The following TAF1L variants were observed in gnomAD, a reference collection of about 807,000 sequenced individuals.
The protein encoded by TAF1L is transcription initiation factor TFIID subunit 1-like.
TAF1L carries 30 observed loss-of-function variants against 128.8 expected under a neutral mutation model. The ratio of observed to expected loss-of-function variants is 0.23; its 90% CI spans 0.17 to 0.32. The LOEUF is 0.32. TAF1L is among the 10% of genes least tolerant of loss of function. TAF1L has a pLI of 1.00. For missense variants in TAF1L, 2,099 were observed against 2,253.7 expected (o/e 0.93, Z 1.39); for synonymous variants, 764 against 790.7 (o/e 0.97, Z 0.57).
Position 32,634,847 on chromosome 9 carries a change from T to C in TAF1L, c.733A>G (p.Ser245Gly), listed in dbSNP as rs764334920. 3 of 1,614,092 alleles carry C rather than the reference T, an allele frequency of 1.9e-6. No homozygotes were observed. The African/African-American group carries it at 4.0e-5, about 22-fold the overall frequency. The change falls in exon 1 of 1, where the codon AGT (serine) becomes GGT (glycine). Residue 245 changes from serine (S) to glycine (G), a missense_variant. Ser to Gly is a moderately conservative substitution (Grantham distance 56, BLOSUM62 0). Around this residue, in one of 4 missense-constraint regions of TAF1L, gnomAD observed 473 missense variants for 429.6 expected, o/e 1.10. Transcript: ENST00000242310. ...MQHDATKLLP[S>G]VTELFPEFRP... Reference sequence around the variant, plus strand: ...AATTCTGGAAAAAGTTCGGTGACACTTGGCAACAGCTTGGTGGCATCATGC... The same window carrying C: ...AATTCTGGAAAAAGTTCGGTGACACCTGGCAACAGCTTGGTGGCATCATGC...
rs139721916 is a variant in TAF1L, at chr9:32,629,920, T to A, written c.*179A>T. The A allele has an allele frequency of 1.9e-3, 2,408 of 1,250,698 alleles. 33 individuals carry two copies. The African/African-American group carries it at 0.03, about 15-fold the overall frequency. The allele number at this position is 1,250,698 out of a possible 1,614,324, so 77.5% of individuals were successfully genotyped here. A position where few individuals can be genotyped will look rare whatever the true frequency, so the allele number is the denominator to read the frequency against. Reference sequence around the variant, plus strand: ...ATCCACCCGCCTCGGCCTCCCAGAGTGCTGAGATTACAGGTGTGAGCCACC... The same window carrying A: ...ATCCACCCGCCTCGGCCTCCCAGAGAGCTGAGATTACAGGTGTGAGCCACC... On this transcript the variant is annotated 3_prime_UTR_variant, in exon 1 of 1. Transcript: ENST00000242310.
Position 32,630,414 on chromosome 9 carries a change from C to T in TAF1L, c.5166G>A (p.Gly1722=). The change falls in exon 1 of 1, where the codon GGG becomes GGA. Residue 1722 remains glycine (G), a synonymous_variant. Coordinates refer to ENST00000242310, the MANE Select transcript of TAF1L (RefSeq NM_153809.2). ...TCCCATCCTCCTCCTCATCATCATA[C>T]CCTTCAACATCCACATCAGAGTCTT... is the stretch of plus-strand genomic sequence containing the variant. ...GEEDSDVDVE[G]YDDEEEDGKP... The T allele has an allele frequency of 6.2e-7, 1 of 1,614,170 alleles. No homozygotes were observed. Among genetic ancestry groups the T allele is most frequent in the Non-Finnish European group, 8.5e-7 (1 of 1,180,030 alleles).
rs755694433 is a variant in TAF1L, at chr9:32,631,350, A to G, written c.4230T>C (p.Ser1410=). 3.1e-6 allele frequency: 5 copies of G among 1,614,188 alleles called. No individual in the cohort carries two copies. The highest frequency in any genetic ancestry group is 4.2e-6 in the Non-Finnish European group (5 of 1,180,042). ...GAAGATCTCTCATGTCATTGATGAT[A>G]GACTCCAGGATGGATGACAGCGTCA... The part of the protein sequence containing the change: ...PMVTLSSILE[S]IINDMRDLPN... The change falls in exon 1 of 1, where the codon TCT becomes TCC. Residue 1410 remains serine (S), a synonymous_variant. Transcript: ENST00000242310. The surrounding 1 kb of genome is among the most constrained non-coding windows in gnomAD (Gnocchi z 4.1).
Position 32,631,289 on chromosome 9 carries a change from T to C in TAF1L, c.4291A>G (p.Lys1431Glu), listed in dbSNP as rs765561654. The C allele has an allele frequency of 1.2e-5, 20 of 1,614,050 alleles. No homozygotes were observed. Among genetic ancestry groups the C allele is most frequent in the Middle Eastern group, 1.6e-4 (1 of 6,084 alleles). ...ATTTTGTAGTAGTCCTTTACAACCT[T>C]TGCATTGACTGGAGTGTGGAAAGGG... ...THPFHTPVNAKVVKDYYKIIT... is the reference protein window; with the variant it reads ...THPFHTPVNAEVVKDYYKIIT... Residue 1431 changes from lysine (K) to glutamate (E), a missense_variant, in exon 1 of 1, where the codon AAG (lysine) becomes GAG (glutamate). Transcript: ENST00000242310. This position sits in a 1 kb window ranked among gnomAD's most constrained non-coding sequence, Gnocchi z 4.1.
Position 32,631,469 on chromosome 9 carries a change from G to A in TAF1L, c.4111C>T (p.Pro1371Ser). Residue 1371 changes from proline (P) to serine (S), a missense_variant, in exon 1 of 1, where the codon CCA (proline) becomes TCA (serine). Pro to Ser is a moderately conservative substitution (Grantham distance 74). Coordinates refer to ENST00000242310, the MANE Select transcript of TAF1L (RefSeq NM_153809.2). This position sits in a 1 kb window ranked among gnomAD's most constrained non-coding sequence, Gnocchi z 4.1. ...VLKFPKQQLPPKKKRRVGTTV... is the reference protein window; with the variant it reads ...VLKFPKQQLPSKKKRRVGTTV... ...GTTCCAACTCGCCGTTTCTTCTTTG[G>A]AGGAAGCTGCTGTTTAGGAAACTTG... 2 of 1,614,188 alleles carry A rather than the reference G, an allele frequency of 1.2e-6. No homozygotes were observed. Among genetic ancestry groups the A allele is most frequent in the Non-Finnish European group, 1.7e-6 (2 of 1,180,040 alleles).
In TAF1L at chr9:32,635,327, C is replaced by T. The variant is rs775725123; in HGVS notation, c.253G>A (p.Glu85Lys). 3 of 1,614,180 alleles carry T rather than the reference C, an allele frequency of 1.9e-6. No homozygotes were observed. In the East Asian group the frequency reaches 6.7e-5, roughly 36 times the overall value. The change falls in exon 1 of 1, where the codon GAA (glutamate) becomes AAA (lysine). Residue 85 changes from glutamate (E) to lysine (K), a missense_variant. This residue lies in a region of TAF1L where 473 missense variants were observed against 429.6 expected (regional missense o/e 1.10). Transcript: ENST00000242310. Reference protein sequence around the residue: ...SLITELTANEELTGTGGALVN... With the variant: ...SLITELTANEKLTGTGGALVN... ...AAGGCACCGCCAGTCCCAGTCAATT[C>T]TTCATTTGCCGTGAGTTCAGTGATT...
rs1822493923 is a variant in TAF1L at position 32,629,881 on chromosome 9, A to G, written c.*218T>C. On this transcript the variant is annotated 3_prime_UTR_variant, in exon 1 of 1. Coordinates refer to ENST00000242310, the MANE Select transcript of TAF1L (RefSeq NM_153809.2). ...GACATGTTGGCCAAGCTGGTCTCGA[A>G]CTGACCTCAGGTGATCCACCCGCCT... 1 of 849,854 alleles carries G rather than the reference A, an allele frequency of 1.2e-6. No homozygotes were observed. Among genetic ancestry groups the G allele is most frequent in the Non-Finnish European group, 1.8e-6 (1 of 553,012 alleles). 52.6% of individuals were successfully genotyped at this position (849,854 alleles called of 1,614,324 possible). A position where few individuals can be genotyped will look rare whatever the true frequency, so the allele number is the denominator to read the frequency against.
At position 32,634,473 on chromosome 9, in the gene TAF1L, A is replaced by G; in HGVS notation, c.1107T>C (p.Tyr369=). 2 of 1,614,240 alleles carry G rather than the reference A, an allele frequency of 1.2e-6. No homozygotes were observed. The highest frequency in any genetic ancestry group is 1.7e-6 in the Non-Finnish European group (2 of 1,180,048). The part of the protein sequence containing the change: ...EWRYGPARLW[Y]DMLGVSEDGS... The stretch of plus-strand genomic sequence containing the variant: ...CATCTTCGGAGACACCCAGCATATC[A>G]TACCACAGTCGGGCAGGCCCATAAC... Residue 369 remains tyrosine (Y), a synonymous_variant, in exon 1 of 1, where the codon TAT becomes TAC. Transcript: ENST00000242310.
At position 32,635,385 on chromosome 9, in the gene TAF1L, C is replaced by G; in HGVS notation, c.195G>C (p.Leu65Phe). ...CCAGCCCCAAAGCCCCCAAGCCTGC[C>G]AAGTGCTTCTTACACTCATCATCCA... ...SVLDDECKKH[L>F]AGLGALGLGS... The change falls in exon 1 of 1, where the codon TTG becomes TTC. Residue 65 changes from leucine to phenylalanine, a missense_variant. Around this residue, in one of 4 missense-constraint regions of TAF1L, gnomAD observed 473 missense variants for 429.6 expected, o/e 1.10. Transcript: ENST00000242310. The G allele has an allele frequency of 6.2e-7, 1 of 1,614,156 alleles. No individual in the cohort carries two copies. The highest frequency in any genetic ancestry group is 1.7e-5 in the Admixed American group (1 of 60,016).
rs770687964 is a variant in TAF1L at position 32,631,025 on chromosome 9, C to T, written c.4555G>A (p.Asp1519Asn). ...RLEKAINPLL[D>N]DDDQVAFSFI... ...GAAAATGCCACTTGGTCATCATCAT[C>T]CAGCAAGGGGTTGATAGCTTTCTCT... The change falls in exon 1 of 1, where the codon GAT (aspartate) becomes AAT (asparagine). Residue 1519 changes from aspartate (D) to asparagine (N), a missense_variant. This residue lies in a region of TAF1L where 404 missense variants were observed against 406.5 expected (regional missense o/e 0.99). Transcript: ENST00000242310. This position sits in a 1 kb window ranked among gnomAD's most constrained non-coding sequence, Gnocchi z 4.1. 3 of 1,614,194 alleles carry T rather than the reference C, an allele frequency of 1.9e-6. No individual in the cohort carries two copies. Among genetic ancestry groups the T allele is most frequent in the South Asian group, 1.1e-5 (1 of 91,082 alleles).
At position 32,631,433 on chromosome 9, in the gene TAF1L, A is replaced by T. The variant is rs778380802; in HGVS notation, c.4147T>A (p.Cys1383Ser). ...KKRRVGTTVH[C>S]DYLNIPHKSI... ...TTATGAGGTATATTCAAATAGTCAC[A>T]ATGAACAGTGGTTCCAACTCGCCGT... Residue 1383 changes from cysteine to serine, a missense_variant, in exon 1 of 1, where the codon TGT (cysteine) becomes AGT (serine). Physicochemically the swap from Cys to Ser is moderately radical, Grantham distance 112. This residue lies in a region of TAF1L where 1,213 missense variants were observed against 1,391.4 expected (regional missense o/e 0.87). Coordinates refer to ENST00000242310, the MANE Select transcript of TAF1L (RefSeq NM_153809.2). This position sits in a 1 kb window ranked among gnomAD's most constrained non-coding sequence, Gnocchi z 4.1. The T allele has an allele frequency of 5.6e-6, 9 of 1,614,186 alleles. No individual in the cohort carries two copies. The highest frequency in any genetic ancestry group is 7.6e-6 in the Non-Finnish European group (9 of 1,180,032).
chr9:32,631,893 G>C lies in TAF1L; in HGVS notation c.3687C>G (p.Ala1229=). 6.2e-7 allele frequency: 1 copy of C among 1,614,174 alleles called. No homozygotes were observed. Among genetic ancestry groups the C allele is most frequent in the African/African-American group, 1.3e-5 (1 of 75,028 alleles). ...CTTCCCGATGTTTTTCATCAAAAAG[G>C]GCAAATTTTTGAATGAATTTCTCAT... The part of the protein sequence containing the change: ...TKDEKFIQKF[A]LFDEKHREEM... Residue 1229 remains alanine, a synonymous_variant, in exon 1 of 1, where the codon GCC becomes GCG. Transcript: ENST00000242310. This position sits in a 1 kb window ranked among gnomAD's most constrained non-coding sequence, Gnocchi z 4.1.
At position 32,634,870 on chromosome 9, in the gene TAF1L, T is replaced by C. The variant is rs928300916; in HGVS notation, c.710A>G (p.His237Arg). 1 of 1,614,230 alleles carries C rather than the reference T, an allele frequency of 6.2e-7. No homozygotes were observed. Among genetic ancestry groups the C allele is most frequent in the Non-Finnish European group, 8.5e-7 (1 of 1,180,050 alleles). Reference sequence around the variant, plus strand: ...ACTTGGCAACAGCTTGGTGGCATCATGCTGCATAATCCCAGCCAATGGAAG... The same window carrying C: ...ACTTGGCAACAGCTTGGTGGCATCACGCTGCATAATCCCAGCCAATGGAAG... Reference protein sequence around the residue: ...LTLPLAGIMQHDATKLLPSVT... With the variant: ...LTLPLAGIMQRDATKLLPSVT... Residue 237 changes from histidine (H) to arginine (R), a missense_variant, in exon 1 of 1, where the codon CAT becomes CGT. His to Arg is a conservative substitution (Grantham distance 29). This residue lies in a region of TAF1L where 473 missense variants were observed against 429.6 expected (regional missense o/e 1.10). Transcript: ENST00000242310.
In TAF1L at chr9:32,631,672, T is replaced by C. The variant is rs1822519675; in HGVS notation, c.3908A>G (p.Gln1303Arg). 2 of 1,614,078 alleles carry C rather than the reference T, an allele frequency of 1.2e-6. No individual in the cohort carries two copies. The highest frequency in any genetic ancestry group is 1.7e-6 in the Non-Finnish European group (2 of 1,180,044). ...RTNKFCPLYY[Q>R]TNVPPSKPVA... ...AGGTTTCGAAGGTGGCACATTTGTTTGATAATAGAGGGGGCAGAATTTGTT... is the reference window on the plus strand; with the variant it reads ...AGGTTTCGAAGGTGGCACATTTGTTCGATAATAGAGGGGGCAGAATTTGTT... The change falls in exon 1 of 1, where the codon CAA (glutamine) becomes CGA (arginine). Residue 1303 changes from glutamine to arginine, a missense_variant. Gln to Arg is a conservative substitution (Grantham distance 43). Coordinates refer to ENST00000242310, the MANE Select transcript of TAF1L (RefSeq NM_153809.2). This position sits in a 1 kb window ranked among gnomAD's most constrained non-coding sequence, Gnocchi z 4.1.
In TAF1L at chr9:32,633,816, A is replaced by T. The variant is rs956354411; in HGVS notation, c.1764T>A (p.Asn588Lys). 6.2e-7 allele frequency: 1 copy of T among 1,614,080 alleles called. No homozygotes were observed. The highest frequency in any genetic ancestry group is 1.3e-5 in the African/African-American group (1 of 74,906). Residue 588 changes from asparagine to lysine, a missense_variant, in exon 1 of 1, where the codon AAT becomes AAA. Coordinates refer to ENST00000242310, the MANE Select transcript of TAF1L (RefSeq NM_153809.2). ...GTTGCTTGGGGAAATAATACTCATC[A>T]TTGGAGAGATTCCATGGATCTTTCA... ...PEVKDPWNLS[N>K]DEYYFPKQQG...
In TAF1L at chr9:32,632,525, G is replaced by A. The variant is rs368355068; in HGVS notation, c.3055C>T (p.Leu1019=). ...CGTAGAAGTTGCTTGGCATTTTTCA[G>A]GGAAAGGCGACGAAGGTCTGCATCT... ...GTDADLRRLS[L]KNAKQLLRKF... Residue 1019 remains leucine (L), a synonymous_variant, in exon 1 of 1, where the codon CTG becomes TTG. Coordinates refer to ENST00000242310, the MANE Select transcript of TAF1L (RefSeq NM_153809.2). This position sits in a 1 kb window ranked among gnomAD's most constrained non-coding sequence, Gnocchi z 4.4. 1.2e-6 allele frequency: 2 copies of A among 1,614,200 alleles called. No homozygotes were observed.
chr9:32,634,416 T>C lies in TAF1L; in HGVS notation c.1164A>G (p.Arg388=). Residue 388 remains arginine, a synonymous_variant, in exon 1 of 1, where the codon AGA becomes AGG. Coordinates refer to ENST00000242310, the MANE Select transcript of TAF1L (RefSeq NM_153809.2). ...TTATCACAGGTTCATGTTGTGTCTT[T>C]CTCAGTTTGAAGCCATAGTCAAACC... ...GSGFDYGFKL[R]KTQHEPVIKS... 5 of 1,614,204 alleles carry C rather than the reference T, an allele frequency of 3.1e-6. No individual in the cohort carries two copies. The highest frequency in any genetic ancestry group is 4.2e-6 in the Non-Finnish European group (5 of 1,180,036).
In TAF1L at chr9:32,634,458, G is replaced by A; in HGVS notation, c.1122C>T (p.Val374=). The stretch of plus-strand genomic sequence containing the variant: ...AGTCAAACCCACTGCCATCTTCGGA[G>A]ACACCCAGCATATCATACCACAGTC... ...PARLWYDMLG[V]SEDGSGFDYG... is the part of the protein sequence containing the mutation. Residue 374 remains valine, a synonymous_variant, in exon 1 of 1, where the codon GTC becomes GTT. Transcript: ENST00000242310. 1 of 1,614,186 alleles carries A rather than the reference G, an allele frequency of 6.2e-7. No homozygotes were observed. The highest frequency in any genetic ancestry group is 8.5e-7 in the Non-Finnish European group (1 of 1,180,038).
Position 32,634,195 on chromosome 9 carries a change from C to T in TAF1L, c.1385G>A (p.Arg462Lys), listed in dbSNP as rs1312353532. The T allele has an allele frequency of 3.1e-6, 5 of 1,613,980 alleles. No homozygotes were observed. In the South Asian group the frequency reaches 3.3e-5, roughly 11 times the overall value. ...CTGAACATTGTAAGCCATTACATTCCTAGTCTTAATAGAAGGAAGCCAGCC... is the reference window on the plus strand; with the variant it reads ...CTGAACATTGTAAGCCATTACATTCTTAGTCTTAATAGAAGGAAGCCAGCC... ...LAGWLPSIKT[R>K]NVMAYNVQQG... Residue 462 changes from arginine to lysine, a missense_variant, in exon 1 of 1, where the codon AGG becomes AAG. Transcript: ENST00000242310.
Sources: allele counts gnomAD v4.1 joint callset, GRCh38; gene constraint gnomAD v4.1.1; regional missense constraint gnomAD v4.1.1; non-coding constraint Gnocchi (gnomAD v3.1); transcripts MANE v1.5; gene names NCBI Gene and HGNC (gene_info 2026-07-23, HGNC 2026-07-21).